SLC36A1: variants seen among roughly 807,000 people sequenced by gnomAD.
The protein encoded by SLC36A1 is solute carrier family 36 member 1, also known as proton-coupled amino acid transporter 1.
In SLC36A1, 30 loss-of-function variants were observed where a neutral mutation model predicts 47.5. The ratio of observed to expected loss-of-function variants is 0.63; its 90% CI spans 0.47 to 0.86. The LOEUF (loss-of-function observed/expected upper bound fraction) is 0.86, where lower values mean the gene tolerates loss of function less well. Ranked by LOEUF, SLC36A1 falls within the 40% of genes least tolerant of loss-of-function variation. The pLI, the probability that SLC36A1 is intolerant of heterozygous loss-of-function variation, is 0.00. For missense variants in SLC36A1, 517 were observed against 606.0 expected (o/e 0.85, Z 1.54); for synonymous variants, 255 against 249.7 (o/e 1.02, Z -0.20).
At chr5:151,397,764 C>CAAAAAAA in the SLC36A1 span, among the ~76,000 whole-genome samples, 23 of 44,254 alleles carry the variant, frequency 5.2e-4, no homozygotes, top group East Asian at 7.7e-4. Flanking sequence ...AACTCCAACT[C>CAAAAAAA]AAAAAAAAAA....
At chr5:151,510,074 G>A in the SLC36A1 span, 3 of 1,614,066 alleles carry the variant, frequency 1.9e-6, no homozygotes, top group South Asian at 2.2e-5. Flanking sequence ...TGGGGGAGAG[G>A]ATGCAAGTTC....
At chr5:151,367,271 G>A in the SLC36A1 span, among the ~76,000 whole-genome samples, 7 of 151,740 alleles carry the variant, frequency 4.6e-5, no homozygotes, top group African/African-American at 1.5e-4. Context: ...AGGGTTCTGC[G>A]GGAGACCAGG....
upstream of SLC36A1, among the ~76,000 whole-genome samples, chr5:151,433,237 TATATATATATATATATATATATA>T (rs1759490369): frequency 4.3e-4 from 4 of 9,354 alleles, no homozygotes; most frequent in East Asian, 3.1e-3. Context: ...TATATATATA[TATATATATATATATATATATATA>T]TATATATTTT....
At chr5:151,522,553 T>C in the SLC36A1 span, among the ~76,000 whole-genome samples, 1 of 152,222 alleles carries the variant, frequency 6.6e-6, no homozygotes, top group Non-Finnish European at 1.5e-5. Context: ...TCGGGATTTG[T>C]CCTTCTAGTC....
At chr5:151,399,085 T>TATATATATA in the SLC36A1 span, among the ~76,000 whole-genome samples, 133 of 59,552 alleles carry the variant, frequency 2.2e-3, no homozygotes, top group East Asian at 6.7e-3. Context: ...TATATATATA[T>TATATATATA]TTTTTTTTTT....
Position 151,464,510 on chromosome 5 carries a change from C to A in SLC36A1, c.235-4C>A. 1 of 1,613,308 alleles carries A rather than the reference C, an allele frequency of 6.2e-7. No homozygotes were observed. The highest frequency in any genetic ancestry group is 8.5e-7 in the Non-Finnish European group (1 of 1,179,644). Reference sequence around the variant, plus strand: ...TCTCTTTTGCCTGCAATATCTGTCCCCAGATGGGTCCCATCAGCCTGCTGA... The same window carrying A: ...TCTCTTTTGCCTGCAATATCTGTCCACAGATGGGTCCCATCAGCCTGCTGA... On this transcript the variant is annotated splice_region_variant and splice_polypyrimidine_tract_variant and intron_variant, in intron 3 of 10. Coordinates refer to ENST00000243389, the MANE Select transcript of SLC36A1 (RefSeq NM_078483.4).
chr5:151,458,301 C>CGTGTGTGT (rs138441257), intron 1 of SLC36A1, among the ~76,000 whole-genome samples: 1,693 of 104,566 alleles, frequency 0.016, 18 homozygotes, highest in Middle Eastern at 0.051. Context: ...TATACATACA[C>CGTGTGTGT]GTGTATATAC....
chr5:151,503,922 C>CAGA, the SLC36A1 span, among the ~76,000 whole-genome samples: 7 of 152,032 alleles, frequency 4.6e-5, no homozygotes, highest in African/African-American at 1.4e-4. Context: ...GCCCCACCCC[C>CAGA]AGAAGTTCTG....
At chr5:151,362,454 A>G in the SLC36A1 span, among the ~76,000 whole-genome samples, 2 of 147,950 alleles carry the variant, frequency 1.4e-5, no homozygotes, top group African/African-American at 5.0e-5. Flanking sequence ...GCAGTGGGGC[A>G]ACCTCAGCTC....
At chr5:151,388,362 G>A in the SLC36A1 span, among the ~76,000 whole-genome samples, 9 of 152,106 alleles carry the variant, frequency 5.9e-5, no homozygotes, top group South Asian at 2.1e-4. Context: ...TTAGCCAGGC[G>A]TGTTGGCGCA....
intron 1 of SLC36A1, among the ~76,000 whole-genome samples, chr5:151,440,183 T>G (rs1307409921): frequency 6.6e-6 from 1 of 152,084 alleles, no homozygotes; most frequent in Non-Finnish European, 1.5e-5. Context: ...CAGGCAACAC[T>G]CACCGCAGCT....
chr5:151,422,692 CACTTGAGTCTGGGTG>C, the SLC36A1 span, among the ~76,000 whole-genome samples: 1 of 152,068 alleles, frequency 6.6e-6, no homozygotes, highest in Non-Finnish European at 1.5e-5. Context: ...CACGCCACTA[CACTTGAGTCTGGGTG>C]ACAGAAAGAG....
chr5:151,361,243 A>AC, the SLC36A1 span, among the ~76,000 whole-genome samples: 1 of 152,072 alleles, frequency 6.6e-6, no homozygotes, highest in Non-Finnish European at 1.5e-5. Context: ...GTTCGTTGAG[A>AC]CCCCTGGTGT....
At chr5:151,453,378 G>A (rs1330424452) in intron 1 of SLC36A1, among the ~76,000 whole-genome samples, 1 of 150,972 alleles carries the variant, frequency 6.6e-6, no homozygotes, top group African/African-American at 2.4e-5. Context: ...TTAATTCATG[G>A]GATATTTCAC....
At chr5:151,448,569 G>A (rs749475395) in intron 1 of SLC36A1, among the ~76,000 whole-genome samples, 2 of 152,198 alleles carry the variant, frequency 1.3e-5, no homozygotes, top group Non-Finnish European at 2.9e-5. Flanking sequence ...ATCGGAATGT[G>A]CTTCTGGGAA....
chr5:151,488,524 A>T lies in SLC36A1; in HGVS notation c.*270A>T, dbSNP rs1232229855. ...CAGAACTTTCCAGCTCCCCCTCATCATGCCTCCTCCTTCCTACCTGCCTCC... is the reference window on the plus strand; with the variant it reads ...CAGAACTTTCCAGCTCCCCCTCATCTTGCCTCCTCCTTCCTACCTGCCTCC... On this transcript the variant is annotated 3_prime_UTR_variant, in exon 11 of 11. Transcript: ENST00000243389. 4.2e-6 allele frequency: 2 copies of T among 470,918 alleles called. No homozygotes were observed. The highest frequency in any genetic ancestry group is 3.9e-5 in the African/African-American group (2 of 51,514). 29.2% of individuals were successfully genotyped at this position (470,918 alleles called of 1,614,324 possible).
the SLC36A1 span, chr5:151,538,058 G>A: frequency 4.0e-5 from 34 of 847,820 alleles, no homozygotes; most frequent in Admixed American, 1.3e-4. Context: ...ACACTAAGAG[G>A]GCAGAGACGA....
the SLC36A1 span, chr5:151,534,395 C>T: frequency 2.3e-5 from 36 of 1,589,020 alleles, 1 homozygote; most frequent in Non-Finnish European, 3.0e-5. Context: ...GGCCTCAATC[C>T]TTCTCAGACT....
intron 1 of SLC36A1, among the ~76,000 whole-genome samples, chr5:151,438,117 T>G (rs1759879833): frequency 6.6e-6 from 1 of 152,164 alleles, no homozygotes; most frequent in African/African-American, 2.4e-5. Context: ...TTTTGCTATC[T>G]AAGGTAACAA....
Sources: allele counts gnomAD v4.1 joint callset (sites outside exome capture counted in the v4.1 genomes callset), GRCh38; gene constraint gnomAD v4.1.1; transcripts MANE v1.5; gene names NCBI Gene and HGNC (gene_info 2026-07-23, HGNC 2026-07-21).